ADAMTSL3: variants seen among roughly 807,000 people sequenced by gnomAD.
ADAMTSL3 encodes ADAMTS like 3, also known as ADAMTS-like protein 3.
ADAMTSL3 carries 128 observed loss-of-function variants against 201.7 expected under a neutral mutation model. That is an observed-to-expected ratio of 0.63 (90% CI 0.55 to 0.73). The LOEUF is 0.73. ADAMTSL3 is among the 30% of genes least tolerant of loss of function. The probability of loss-of-function intolerance (pLI) is 0.00; values close to 1 mark genes in which losing one functional copy is unlikely to be tolerated. For synonymous variants in ADAMTSL3, 738 were observed against 748.4 expected, an observed-to-expected ratio of 0.99 and a Z score of 0.23; for missense variants, 1,990 against 2,119.6, an observed-to-expected ratio of 0.94 and a Z score of 1.20.
At chr15:83,954,039 A>C (rs937545938) in intron 19 of ADAMTSL3, among the ~76,000 whole-genome samples, 2 of 152,164 alleles carry the variant, frequency 1.3e-5, no homozygotes, top group Non-Finnish European at 2.9e-5. Context: ...GCTTGGTATT[A>C]TATAACCTTC....
At chr15:83,721,250 T>C (rs2062096125) in intron 3 of ADAMTSL3, among the ~76,000 whole-genome samples, 1 of 152,260 alleles carries the variant, frequency 6.6e-6, no homozygotes, top group African/African-American at 2.4e-5. Flanking sequence ...CTGCCAGATG[T>C]GATTTTGCCA....
chr15:83,893,559 C>T (rs1019126015), intron 13 of ADAMTSL3, among the ~76,000 whole-genome samples: 4 of 152,112 alleles, frequency 2.6e-5, no homozygotes, highest in Non-Finnish European at 4.4e-5. Context: ...AGAACCTTCA[C>T]AATTTTTGTG....
At chr15:83,678,957 T>TA (rs1288742138) in intron 2 of ADAMTSL3, among the ~76,000 whole-genome samples, 4 of 149,838 alleles carry the variant, frequency 2.7e-5, no homozygotes, top group Non-Finnish European at 5.9e-5. Flanking sequence ...TGTTCTGTGA[T>TA]AGTGAAAGTA....
intron 6 of ADAMTSL3, among the ~76,000 whole-genome samples, chr15:83,835,718 A>G (rs1321202805): frequency 6.6e-6 from 1 of 152,236 alleles, no homozygotes; most frequent in African/African-American, 2.4e-5. Flanking sequence ...CATTGATTGA[A>G]TCTTGACCAT....
chr15:83,943,927 C>G (rs2066609191), intron 19 of ADAMTSL3, among the ~76,000 whole-genome samples: 1 of 151,892 alleles, frequency 6.6e-6, no homozygotes. Flanking sequence ...CAGTGGATGC[C>G]TGAAACTGTG....
intron 3 of ADAMTSL3, among the ~76,000 whole-genome samples, chr15:83,735,805 T>TTA (rs2062361633): frequency 2.0e-5 from 3 of 152,238 alleles, no homozygotes; most frequent in East Asian, 3.9e-4. Flanking sequence ...AGCCCCACGT[T>TTA]TAACACACGT....
chr15:83,766,826 G>T (rs1418440232), intron 3 of ADAMTSL3, among the ~76,000 whole-genome samples: 1 of 152,196 alleles, frequency 6.6e-6, no homozygotes, highest in Non-Finnish European at 1.5e-5. Flanking sequence ...TGGGCGTAGT[G>T]GTTCATGCCT....
At chr15:83,755,792 C>T (rs1172306763) in intron 3 of ADAMTSL3, among the ~76,000 whole-genome samples, 1 of 150,900 alleles carries the variant, frequency 6.6e-6, no homozygotes, top group Non-Finnish European at 1.5e-5. Flanking sequence ...CTTACTCTGT[C>T]GCCCAGGCTG....
At chr15:83,934,816 T>C (rs2066431588) in intron 17 of ADAMTSL3, among the ~76,000 whole-genome samples, 1 of 151,674 alleles carries the variant, frequency 6.6e-6, no homozygotes. Flanking sequence ...CAACAAATGA[T>C]TGGATAAAGA....
At chr15:83,805,056 G>A (rs1002797574) in intron 5 of ADAMTSL3, among the ~76,000 whole-genome samples, 8 of 152,130 alleles carry the variant, frequency 5.3e-5, no homozygotes, top group African/African-American at 1.9e-4. Flanking sequence ...GCGAGTGAGA[G>A]GACTGAGGCT....
rs547277494 is a variant in ADAMTSL3 at position 83,926,579 on chromosome 15, C to T, written c.2117+2546C>T. On this transcript the variant is annotated intron_variant, in intron 17 of 29. Coordinates refer to ENST00000286744, the MANE Select transcript of ADAMTSL3 (RefSeq NM_207517.3). ...CTCCATGTGAATCTGCAAATATCATCGTTTCCTTTTTATTGTTTATATGAC... is the reference window on the plus strand; with the variant it reads ...CTCCATGTGAATCTGCAAATATCATTGTTTCCTTTTTATTGTTTATATGAC... Among the ~76,000 whole-genome samples, 6 of 151,688 alleles carry T rather than the reference C, an allele frequency of 4.0e-5. No homozygotes were observed. In the South Asian group the frequency reaches 8.3e-4, roughly 21 times the overall value.
intron 4 of ADAMTSL3, among the ~76,000 whole-genome samples, chr15:83,789,877 T>G (rs1240807516): frequency 6.6e-6 from 1 of 152,134 alleles, no homozygotes; most frequent in Non-Finnish European, 1.5e-5. Context: ...CATACTGTTT[T>G]GACCCCAACT....
At chr15:83,852,971 C>T (rs1369951799) in intron 7 of ADAMTSL3, among the ~76,000 whole-genome samples, 2 of 152,214 alleles carry the variant, frequency 1.3e-5, no homozygotes, top group East Asian at 3.9e-4. Context: ...ATTCTCCAGC[C>T]TCAGCCTCCT....
chr15:83,970,085 A>G (rs1429438503), intron 19 of ADAMTSL3, among the ~76,000 whole-genome samples: 1 of 152,176 alleles, frequency 6.6e-6, no homozygotes, highest in African/African-American at 2.4e-5. Context: ...CAAAACTATT[A>G]AAAGGGTCAA....
intron 3 of ADAMTSL3, among the ~76,000 whole-genome samples, chr15:83,705,453 C>T (rs887771976): frequency 2.0e-5 from 3 of 152,130 alleles, no homozygotes; most frequent in African/African-American, 4.8e-5. Context: ...AGTCAGAGTG[C>T]AAAAGACAGT....
intron 13 of ADAMTSL3, 76 bp from the exon 14 acceptor site, chr15:83,897,782 C>T (rs1024297298): frequency 6.8e-7 from 1 of 1,473,458 alleles, no homozygotes; most frequent in South Asian, 1.4e-5. Flanking sequence ...CAATGGCTCT[C>T]CTTTGCATTC....
chr15:83,838,128 G>A lies in ADAMTSL3; in HGVS notation c.640G>A (p.Glu214Lys), dbSNP rs1204888680. The part of the protein sequence containing the change: ...CDRQLGSNAK[E>K]DNCGVCAGDG... Reference sequence around the variant, plus strand: ...TCGGCAACTGGGAAGCAATGCCAAGGAGGACAACTGTGGAGTCTGTGCCGG... The same window carrying A: ...TCGGCAACTGGGAAGCAATGCCAAGAAGGACAACTGTGGAGTCTGTGCCGG... The change falls in exon 7 of 30, where the codon GAG becomes AAG. Residue 214 changes from glutamate to lysine, a missense_variant. Glu to Lys is a moderately conservative substitution (Grantham distance 56). Transcript: ENST00000286744. The A allele has an allele frequency of 1.2e-6, 2 of 1,613,142 alleles. No homozygotes were observed. The highest frequency in any genetic ancestry group is 1.1e-5 in the South Asian group (1 of 90,808).
At chr15:83,684,702 T>A (rs1319815015) in intron 2 of ADAMTSL3, among the ~76,000 whole-genome samples, 2 of 152,238 alleles carry the variant, frequency 1.3e-5, no homozygotes, top group Admixed American at 6.5e-5. Flanking sequence ...ATAGTTTTAA[T>A]TCATTTATTT....
At chr15:83,989,303 T>TA (rs1419874148) in intron 22 of ADAMTSL3, among the ~76,000 whole-genome samples, 28 of 152,320 alleles carry the variant, frequency 1.8e-4, no homozygotes, top group African/African-American at 6.5e-4. Flanking sequence ...TCTGGCTTAG[T>TA]AGGTTTGGGT....
Sources: allele counts gnomAD v4.1 joint callset (sites outside exome capture counted in the v4.1 genomes callset), GRCh38; gene constraint gnomAD v4.1.1; transcripts MANE v1.5; gene names NCBI Gene and HGNC (gene_info 2026-07-23, HGNC 2026-07-21).